SYNE1: variants seen among roughly 807,000 people sequenced by gnomAD.
The protein encoded by SYNE1 is nesprin-1.
A neutral mutation model predicts 1,111.0 loss-of-function variants in SYNE1; 616 were observed. That is an observed-to-expected ratio of 0.55 (90% CI 0.52 to 0.59). The LOEUF (loss-of-function observed/expected upper bound fraction) is 0.59, where lower values mean the gene tolerates loss of function less well. Ranked by LOEUF, SYNE1 falls within the 20% of genes least tolerant of loss-of-function variation. The pLI is 0.00. For synonymous variants in SYNE1, 3,855 were observed against 3,825.8 expected (o/e 1.01, Z -0.28); for missense variants, 10,006 against 10,417.0 (o/e 0.96, Z 1.72).
chr6:152,275,990 C>CT (rs1195274489), intron 98 of SYNE1, among the ~76,000 whole-genome samples: 1 of 148,358 alleles, frequency 6.7e-6, no homozygotes, highest in Non-Finnish European at 1.5e-5. Context: ...ATTCCTCTAA[C>CT]TTGTTTTTTG....
At chr6:152,188,729 C>A (rs1190928688) in intron 128 of SYNE1, among the ~76,000 whole-genome samples, 4 of 151,602 alleles carry the variant, frequency 2.6e-5, no homozygotes, top group Non-Finnish European at 4.4e-5. Flanking sequence ...GAGGGCGAGG[C>A]GGACAAATCA....
At chr6:152,605,008 G>GAAAGAAAGAA (rs1451861419) in intron 3 of SYNE1, among the ~76,000 whole-genome samples, 68 of 28,784 alleles carry the variant, frequency 2.4e-3, no homozygotes, top group Admixed American at 3.7e-3. Flanking sequence ...AAGAAAGAAA[G>GAAAGAAAGAA]AGAGAGAGAG....
intron 70 of SYNE1, 150 bp from the exon 71 acceptor site, chr6:152,350,920 G>T: frequency 1.1e-6 from 1 of 948,372 alleles, no homozygotes; most frequent in Non-Finnish European, 1.6e-6. Flanking sequence ...TAAAGAGAGA[G>T]TGATTTATTA....
At chr6:152,521,322 G>T (rs140880782) in intron 5 of SYNE1, among the ~76,000 whole-genome samples, 1 of 151,954 alleles carries the variant, frequency 6.6e-6, no homozygotes, top group African/African-American at 2.4e-5. Flanking sequence ...GATTATTCTT[G>T]TACTTCTCAC....
chr6:152,431,119 T>C (rs1310207789), intron 34 of SYNE1, among the ~76,000 whole-genome samples: 4 of 152,206 alleles, frequency 2.6e-5, no homozygotes, highest in African/African-American at 9.6e-5. Context: ...CATTCACTTA[T>C]TTTTCTAAAA....
At chr6:152,556,732 G>A (rs1008595804) in intron 3 of SYNE1, among the ~76,000 whole-genome samples, 1 of 152,118 alleles carries the variant, frequency 6.6e-6, no homozygotes, top group African/African-American at 2.4e-5. Flanking sequence ...GTCCTCCCAA[G>A]GATTTCAGCA....
At chr6:152,559,457 A>G (rs778598955) in intron 3 of SYNE1, among the ~76,000 whole-genome samples, 1 of 152,192 alleles carries the variant, frequency 6.6e-6, no homozygotes, top group Non-Finnish European at 1.5e-5. Context: ...ACCACAAAAA[A>G]ACATAAAACA....
chr6:152,425,263 G>A, intron 39 of SYNE1, 118 bp downstream of exon 39: 1 of 1,081,768 alleles, frequency 9.2e-7, no homozygotes, highest in Non-Finnish European at 1.3e-6. Flanking sequence ...CCCTTCTGTA[G>A]TTATCAGGTG....
chr6:152,311,049 C>G (rs534727255), intron 87 of SYNE1, 176 bp from the exon 88 acceptor site: 4 of 669,732 alleles, frequency 6.0e-6, no homozygotes, highest in African/African-American at 5.4e-5. Flanking sequence ...AACTATTTCA[C>G]AGAAAAAGAA....
chr6:152,628,556 T>A lies in SYNE1; in HGVS notation c.-223-2A>T. On this transcript the variant is annotated splice_acceptor_variant, in intron 2 of 145. Coordinates refer to ENST00000367255, the MANE Select transcript of SYNE1 (RefSeq NM_182961.4). LOFTEE classifies it low-confidence loss of function (5UTR_SPLICE). ...GTCCTCTTACATGAACTCAAGAACC[T>A]GAAAAACAAAAAAGAAAAGGTACAA... 5.6e-6 allele frequency: 3 copies of A among 540,314 alleles called. No homozygotes were observed. The highest frequency in any genetic ancestry group is 1.9e-5 in the African/African-American group (1 of 52,678). The allele number at this position is 540,314 out of a possible 1,614,324, so 33.5% of individuals were successfully genotyped here.
intron 87 of SYNE1, 186 bp from the exon 88 acceptor site, chr6:152,311,059 A>T: frequency 1.5e-6 from 1 of 655,856 alleles, no homozygotes; most frequent in Non-Finnish European, 2.7e-6. Context: ...CAGAAAAAGA[A>T]ATCACAGTTT....
At chr6:152,145,136 C>A in intron 137 of SYNE1, 1 of 354,794 alleles carries the variant, frequency 2.8e-6, no homozygotes, top group Non-Finnish European at 5.5e-6. Context: ...GGTAGGTCTG[C>A]ATGCAGTGAA....
At chr6:152,514,947 C>T (rs1312691572) in intron 6 of SYNE1, among the ~76,000 whole-genome samples, 1 of 152,122 alleles carries the variant, frequency 6.6e-6, no homozygotes, top group Admixed American at 6.5e-5. Flanking sequence ...TGAGACCAGG[C>T]GTGGTGGCTC....
chr6:152,131,992 C>A lies in SYNE1; in HGVS notation c.26094+130G>T, dbSNP rs528302686. On this transcript the variant is annotated intron_variant, in intron 144 of 145. Transcript: ENST00000367255. ...AGGGGATGTGGCAGGGCTGAGGAAG[C>A]GCGCTACCCTGTGTGACAGCCCTCC... is the stretch of plus-strand genomic sequence containing the variant. The A allele has an allele frequency of 1.2e-5, 9 of 724,186 alleles. No individual in the cohort carries two copies. In the East Asian group the frequency reaches 2.3e-4, roughly 19 times the overall value. The allele number at this position is 724,186 out of a possible 1,614,324, so 44.9% of individuals were successfully genotyped here. A position where few individuals can be genotyped will look rare whatever the true frequency, so the allele number is the denominator to read the frequency against.
rs1348964584 is a variant in SYNE1, at chr6:152,416,620, G to A, written c.5817C>T (p.Ile1939=). 6.2e-7 allele frequency: 1 copy of A among 1,614,124 alleles called. No homozygotes were observed. ...AGGAAGTCCTTTGCTCAGAGCTCCC[G>A]ATTTTCAGATGGTATTGGGCTTTGG... ...ILSKAQYHLK[I]GSSEQRTSCR... The change falls in exon 41 of 146, where the codon ATC becomes ATT. Residue 1939 remains isoleucine, a synonymous_variant. Transcript: ENST00000367255.
At chr6:152,493,229 A>G (rs1378796286) in intron 11 of SYNE1, among the ~76,000 whole-genome samples, 1 of 151,872 alleles carries the variant, frequency 6.6e-6, no homozygotes, top group African/African-American at 2.4e-5. Flanking sequence ...TGAGAGGACT[A>G]AAGCCTGTCC....
chr6:152,508,308 C>T (rs748341475), intron 8 of SYNE1, among the ~76,000 whole-genome samples: 3 of 152,154 alleles, frequency 2.0e-5, no homozygotes, highest in South Asian at 2.1e-4. Flanking sequence ...TGCTTGCTCA[C>T]GGGTGGAGAA....
intron 124 of SYNE1, among the ~76,000 whole-genome samples, chr6:152,211,250 A>C (rs980880973): frequency 5.9e-5 from 9 of 152,174 alleles, no homozygotes; most frequent in Admixed American, 3.9e-4. Flanking sequence ...ATGACTAGTG[A>C]AGGTTGGCTA....
At chr6:152,187,476 G>C (rs867068086) in intron 128 of SYNE1, among the ~76,000 whole-genome samples, 4 of 152,098 alleles carry the variant, frequency 2.6e-5, no homozygotes, top group Admixed American at 6.6e-5. Context: ...AGGGACATAA[G>C]AGTAGGGACA....
Sources: allele counts gnomAD v4.1 joint callset (sites outside exome capture counted in the v4.1 genomes callset), GRCh38; gene constraint gnomAD v4.1.1; transcripts MANE v1.5; gene names NCBI Gene and HGNC (gene_info 2026-07-23, HGNC 2026-07-21).